Variants in TOLLIP observed in about 807,000 individuals in gnomAD.
TOLLIP encodes the protein toll-interacting protein.
Under a neutral mutation model 33.5 loss-of-function variants are expected in TOLLIP, and 16 were observed. The ratio of observed to expected loss-of-function variants is 0.48; its 90% CI spans 0.32 to 0.72. The LOEUF (loss-of-function observed/expected upper bound fraction) is 0.72. Among genes scored for constraint, TOLLIP ranks in the 30% least tolerant of loss-of-function variants. TOLLIP has a pLI of 0.03. For missense variants in TOLLIP, 325 were observed against 396.6 expected (o/e 0.82, Z 1.53); for synonymous variants, 176 against 163.7 (o/e 1.07, Z -0.57).
rs117792684 is a variant in TOLLIP, at chr11:1,283,840, G to A, written c.610+2162C>T. Among the ~76,000 whole-genome samples, 33 of 152,286 alleles carry A rather than the reference G, an allele frequency of 2.2e-4. 1 individual carries two copies. In the East Asian group the frequency reaches 6.2e-3, roughly 29 times the overall value. The stretch of plus-strand genomic sequence containing the variant: ...CCCGGCCCAGAAGTTGGAGGAGACG[G>A]GGAGGATCCTCCTCACAGCCTTGAC... On this transcript the variant is annotated intron_variant, in intron 5 of 5. Transcript: ENST00000317204.
At position 1,277,110 on chromosome 11, in the gene TOLLIP, C is replaced by T. The variant is rs1178134655; in HGVS notation, c.754G>A (p.Val252Met). The T allele has an allele frequency of 1.9e-6, 3 of 1,614,004 alleles. No homozygotes were observed. Among genetic ancestry groups the T allele is most frequent in the Admixed American group, 1.7e-5 (1 of 60,010 alleles). ...TTGTTCCCTCGCTGGGCTTCCAGCA[C>T]GGAGCGGATCACCTCCTGGTCCATG... ...PNMDQEVIRSVLEAQRGNKDA... is the reference protein window; with the variant it reads ...PNMDQEVIRSMLEAQRGNKDA... The change falls in exon 6 of 6, where the codon GTG becomes ATG. Residue 252 changes from valine to methionine, a missense_variant. Coordinates refer to ENST00000317204, the MANE Select transcript of TOLLIP (RefSeq NM_019009.4). The surrounding 1 kb of genome is among the most constrained non-coding windows in gnomAD (Gnocchi z 4.2).
chr11:1,299,774 G>A (rs937925266), intron 1 of TOLLIP, among the ~76,000 whole-genome samples: 5 of 152,216 alleles, frequency 3.3e-5, no homozygotes, highest in South Asian at 2.1e-4. Flanking sequence ...ATGCTCACTC[G>A]GGCACGTGAG....
At chr11:1,305,952 A>G (rs1010680937) in intron 1 of TOLLIP, 10 of 151,652 alleles carry the variant, frequency 6.6e-5, no homozygotes, top group Admixed American at 1.3e-4. Context: ...GGGGGCCCGC[A>G]CGGTACCCCT....
intron 5 of TOLLIP, among the ~76,000 whole-genome samples, chr11:1,284,239 C>T (rs1863605206): frequency 6.6e-6 from 1 of 152,188 alleles, no homozygotes; most frequent in Admixed American, 6.5e-5. Flanking sequence ...CCTCCTCTAA[C>T]TCTGAACGCC....
Position 1,289,654 on chromosome 11 carries a change from G to A in TOLLIP, c.366+573C>T, listed in dbSNP as rs371102731. 3.3e-5 allele frequency among the ~76,000 whole-genome samples: 5 copies of A among 150,580 alleles called. No individual in the cohort carries two copies. In the East Asian group the frequency reaches 8.0e-4, roughly 24 times the overall value. Reference sequence around the variant, plus strand: ...TCTGTCCCTGGAAATCCCACCTGCTGGTGAGCGGCCAGACGAGTGCCCAGT... The same window carrying A: ...TCTGTCCCTGGAAATCCCACCTGCTAGTGAGCGGCCAGACGAGTGCCCAGT... On this transcript the variant is annotated intron_variant, in intron 3 of 5. Transcript: ENST00000317204.
At chr11:1,307,504 A>G (rs909633474) in intron 1 of TOLLIP, among the ~76,000 whole-genome samples, 3 of 152,160 alleles carry the variant, frequency 2.0e-5, no homozygotes, top group Non-Finnish European at 4.4e-5. Context: ...TGCATTCAAA[A>G]TCAGTCCTAC....
At chr11:1,295,621 G>A in intron 2 of TOLLIP, 24 bp downstream of exon 2, 2 of 1,519,392 alleles carry the variant, frequency 1.3e-6, no homozygotes, top group Non-Finnish European at 1.8e-6. Context: ...CCCCAGGCAG[G>A]CAGGAGGGTG....
chr11:1,291,859 CCCCGAGGGCACGG>C (rs1863965432), intron 2 of TOLLIP: 1 of 161,756 alleles, frequency 6.2e-6, no homozygotes, highest in Non-Finnish European at 1.4e-5. Context: ...CCTCACCGAC[CCCCGAGGGCACGG>C]CTGTCCCGTC....
intron 2 of TOLLIP, 184 bp downstream of exon 2, chr11:1,295,460 AC>A: frequency 1.6e-6 from 1 of 624,914 alleles, no homozygotes; most frequent in Non-Finnish European, 2.6e-6. Context: ...GTTTGGTAGA[AC>A]CCGGGGTCAA....
In TOLLIP at chr11:1,288,783, G is replaced by A. The variant is rs755432979; in HGVS notation, c.367-7C>T. On this transcript the variant is annotated splice_region_variant and splice_polypyrimidine_tract_variant and intron_variant, in intron 3 of 5. Transcript: ENST00000317204. ...CGTCCATGGAGAAGGCTCTCTGCGGGAGACAAGAGGGAGAGGCCCCAGGCA... is the reference window on the plus strand; with the variant it reads ...CGTCCATGGAGAAGGCTCTCTGCGGAAGACAAGAGGGAGAGGCCCCAGGCA... 1.9e-6 allele frequency: 3 copies of A among 1,610,512 alleles called. No individual in the cohort carries two copies. The African/African-American group carries it at 4.0e-5, about 21-fold the overall frequency.
chr11:1,292,292 T>C (rs1440322587), intron 2 of TOLLIP: 1 of 152,240 alleles, frequency 6.6e-6, no homozygotes, highest in East Asian at 1.9e-4. Context: ...ACCAGCATGA[T>C]TTTCCAAAGC....
At chr11:1,306,791 G>A (rs539078513) in intron 1 of TOLLIP, among the ~76,000 whole-genome samples, 4 of 151,850 alleles carry the variant, frequency 2.6e-5, no homozygotes, top group African/African-American at 9.7e-5. Context: ...CCCTCCGGCG[G>A]CCTCCAGCTC....
intron 4 of TOLLIP, among the ~76,000 whole-genome samples, chr11:1,286,398 C>T (rs547390476): frequency 3.3e-5 from 5 of 152,076 alleles, no homozygotes; most frequent in Admixed American, 1.3e-4. Flanking sequence ...GGTGTCGAGT[C>T]GGCCTGGGGG....
At chr11:1,299,777 C>T (rs1399064453) in intron 1 of TOLLIP, among the ~76,000 whole-genome samples, 2 of 152,234 alleles carry the variant, frequency 1.3e-5, no homozygotes, top group East Asian at 3.9e-4. Flanking sequence ...CTCACTCGGG[C>T]ACGTGAGCAC....
rs200993320 is a variant in TOLLIP, at chr11:1,288,752, T to C, written c.391A>G (p.Ile131Val). The change falls in exon 4 of 6, where the codon ATT (isoleucine) becomes GTT (valine). Residue 131 changes from isoleucine to valine, a missense_variant. Physicochemically the swap from Ile to Val is conservative, Grantham distance 29. Coordinates refer to ENST00000317204, the MANE Select transcript of TOLLIP (RefSeq NM_019009.4). ...DERAFSMDDR[I>V]AWTHITIPES... ...GGGATGGTGATGTGGGTCCAGGCAA[T>C]GCGGTCGTCCATGGAGAAGGCTCTC... 5 of 1,612,604 alleles carry C rather than the reference T, an allele frequency of 3.1e-6. No individual in the cohort carries two copies. The highest frequency in any genetic ancestry group is 4.2e-6 in the Non-Finnish European group (5 of 1,179,706).
chr11:1,292,518 C>A (rs1343493900), intron 2 of TOLLIP, among the ~76,000 whole-genome samples: 1 of 152,250 alleles, frequency 6.6e-6, no homozygotes, highest in Non-Finnish European at 1.5e-5. Flanking sequence ...CTGCCCTCTG[C>A]ACTGTGGCTA....
chr11:1,294,110 C>T (rs1379973586), intron 2 of TOLLIP, among the ~76,000 whole-genome samples: 5 of 151,366 alleles, frequency 3.3e-5, no homozygotes, highest in Admixed American at 1.3e-4. Flanking sequence ...CGAAAGCCCG[C>T]GTGGCTCACA....
At chr11:1,302,839 G>A (rs5743897) in intron 1 of TOLLIP, 22 of 974,964 alleles carry the variant, frequency 2.3e-5, no homozygotes, top group Non-Finnish European at 2.4e-5. Context: ...CTCCTCCCAC[G>A]GCCGCTCAGC....
intron 5 of TOLLIP, among the ~76,000 whole-genome samples, chr11:1,279,012 C>T (rs745642953): frequency 3.3e-5 from 5 of 152,192 alleles, no homozygotes; most frequent in Admixed American, 6.5e-5. Flanking sequence ...CTCCCCACAG[C>T]GTGGCAACAT....
Sources: gnomAD v4.1 joint callset for allele counts (sites outside exome capture counted in the v4.1 genomes callset) on GRCh38, gnomAD v4.1.1 for gene constraint, Gnocchi (gnomAD v3.1) non-coding constraint, MANE v1.5 for transcripts, NCBI Gene and HGNC (gene_info 2026-07-23, HGNC 2026-07-21) for gene names.